ABI2: variants seen among roughly 807,000 people sequenced by gnomAD.
The protein encoded by ABI2 is abl interactor 2.
In ABI2, 25 loss-of-function variants were observed where a neutral mutation model predicts 59.2. The ratio of observed to expected loss-of-function variants is 0.42; its 90% CI spans 0.31 to 0.59. The LOEUF (loss-of-function observed/expected upper bound fraction) is 0.59, where lower values mean the gene tolerates loss of function less well. Among genes scored for constraint, ABI2 ranks in the 20% least tolerant of loss-of-function variants. The pLI, the probability that ABI2 is intolerant of heterozygous loss-of-function variation, is 0.14. For missense variants in ABI2, 545 were observed against 681.8 expected (o/e 0.80, Z 2.23); for synonymous variants, 213 against 235.5 (o/e 0.90, Z 0.87).
At chr2:203,399,902 A>T (rs1318325631) in intron 8 of ABI2, among the ~76,000 whole-genome samples, 1 of 152,114 alleles carries the variant, frequency 6.6e-6, no homozygotes, top group East Asian at 1.9e-4. Context: ...TTTTTAAATG[A>T]ATCGTGCTTT....
intron 9 of ABI2, 130 bp from the exon 10 acceptor site, chr2:203,411,155 T>G: frequency 7.8e-6 from 6 of 767,298 alleles, no homozygotes; most frequent in Non-Finnish European, 1.1e-5. Flanking sequence ...AGGGGATCCT[T>G]GAGATCACTG....
intron 2 of ABI2, among the ~76,000 whole-genome samples, chr2:203,370,206 C>T (rs937364739): frequency 1.9e-4 from 29 of 150,524 alleles, no homozygotes; most frequent in African/African-American, 7.1e-4. Flanking sequence ...CTCTCTCTCT[C>T]TCTCTCTCTC....
intron 1 of ABI2, among the ~76,000 whole-genome samples, chr2:203,349,481 T>G (rs2086196733): frequency 6.6e-6 from 1 of 152,204 alleles, no homozygotes; most frequent in African/African-American, 2.4e-5. Context: ...CTTTGCTCAC[T>G]GCAACCTCTG....
intron 2 of ABI2, chr2:203,376,157 TCCTC>T (rs1031521487): frequency 6.7e-7 from 1 of 1,496,790 alleles, no homozygotes; most frequent in African/African-American, 1.4e-5. Context: ...AATTAGTCCT[TCCTC>T]TATAGATCTT....
chr2:203,423,523 T>C (rs1472934748), intron 11 of ABI2, among the ~76,000 whole-genome samples: 1 of 152,212 alleles, frequency 6.6e-6, no homozygotes, highest in Non-Finnish European at 1.5e-5. Context: ...CCTCCCAGGT[T>C]CACGCCATTC....
intron 4 of ABI2, among the ~76,000 whole-genome samples, chr2:203,387,077 C>T (rs72940154): frequency 0.59 from 58,717 of 98,696 alleles, 14,833 homozygotes; most frequent in Middle Eastern, 0.74. Flanking sequence ...TTTTTTTTTT[C>T]CCCACATGCC....
At chr2:203,339,608 AAAAG>A (rs942013041) in intron 1 of ABI2, among the ~76,000 whole-genome samples, 1 of 151,956 alleles carries the variant, frequency 6.6e-6, no homozygotes, top group Admixed American at 6.6e-5. Flanking sequence ...GAAAAAGAAA[AAAAG>A]AAAACCCAGT....
At chr2:203,403,870 GCCT>G (rs2097323319) in intron 9 of ABI2, among the ~76,000 whole-genome samples, 1 of 150,126 alleles carries the variant, frequency 6.7e-6, no homozygotes, top group Non-Finnish European at 1.5e-5. Context: ...TCCTGCCTCA[GCCT>G]CCTGAGTAGC....
intron 4 of ABI2, chr2:203,386,609 CT>C (rs567866866): frequency 2.7e-5 from 4 of 148,272 alleles, no homozygotes; most frequent in Non-Finnish European, 4.2e-5. Context: ...ATTGATATTT[CT>C]TTTTTTTTCT....
At chr2:203,403,805 G>A (rs1232666715) in intron 9 of ABI2, among the ~76,000 whole-genome samples, 2 of 145,064 alleles carry the variant, frequency 1.4e-5, no homozygotes, top group Non-Finnish European at 3.0e-5. Context: ...AGGATGGAGT[G>A]CAGTGGTGTG....
chr2:203,388,185 C>T (rs17194468), intron 4 of ABI2, among the ~76,000 whole-genome samples: 13,018 of 151,986 alleles, frequency 0.086, 776 homozygotes, highest in Non-Finnish European at 0.12. Flanking sequence ...ATTTTTCACA[C>T]GGGAAAAGCT....
At chr2:203,353,820 C>G (rs2090359538) in intron 1 of ABI2, among the ~76,000 whole-genome samples, 1 of 152,096 alleles carries the variant, frequency 6.6e-6, no homozygotes, top group Non-Finnish European at 1.5e-5. Context: ...AAACTCTTAT[C>G]TGTTTCTTCT....
intron 1 of ABI2, among the ~76,000 whole-genome samples, chr2:203,331,418 T>A (rs1209296913): frequency 7.7e-6 from 1 of 129,466 alleles, no homozygotes; most frequent in Non-Finnish European, 1.6e-5. Context: ...AGTGGCGCGA[T>A]CTCGATCTCT....
chr2:203,406,805 A>G (rs1018623233), intron 9 of ABI2, among the ~76,000 whole-genome samples: 1 of 152,144 alleles, frequency 6.6e-6, no homozygotes, highest in Non-Finnish European at 1.5e-5. Context: ...TTGGAACTAC[A>G]GGTGTGTGCC....
intron 2 of ABI2, chr2:203,376,090 T>G (rs768037070): frequency 3.2e-5 from 49 of 1,534,806 alleles, no homozygotes; most frequent in Non-Finnish European, 4.3e-5. Flanking sequence ...AGTCGACTTT[T>G]GTGACCAAAT....
At chr2:203,364,623 T>C (rs1225302265) in intron 1 of ABI2, among the ~76,000 whole-genome samples, 1 of 152,196 alleles carries the variant, frequency 6.6e-6, no homozygotes, top group East Asian at 1.9e-4. Flanking sequence ...TTCAGAAAGG[T>C]TTAAAAATCT....
At chr2:203,407,893 A>C (rs549891971) in intron 9 of ABI2, among the ~76,000 whole-genome samples, 1 of 152,340 alleles carries the variant, frequency 6.6e-6, no homozygotes, top group African/African-American at 2.4e-5. Flanking sequence ...GCTCAACTCC[A>C]AGAAAGACAG....
chr2:203,392,341 A>G (rs1417262496), intron 5 of ABI2, among the ~76,000 whole-genome samples: 3 of 144,978 alleles, frequency 2.1e-5, no homozygotes, highest in Non-Finnish European at 4.6e-5. Flanking sequence ...AACAACAACA[A>G]CAAAACAACC....
intron 4 of ABI2, chr2:203,383,190 A>C (rs1440453182): frequency 6.5e-6 from 1 of 154,732 alleles, no homozygotes; most frequent in Non-Finnish European, 1.5e-5. Context: ...CTGAGCTCTG[A>C]ATCATTAACT....
Sources: allele counts gnomAD v4.1 joint callset (sites outside exome capture counted in the v4.1 genomes callset), GRCh38; gene constraint gnomAD v4.1.1; transcripts MANE v1.5; gene names NCBI Gene and HGNC (gene_info 2026-07-23, HGNC 2026-07-21).